The following CDH19 variants were observed in gnomAD, a reference collection of about 807,000 sequenced individuals.
The protein encoded by CDH19 is cadherin-19.
CDH19 carries 67 observed loss-of-function variants against 64.2 expected under a neutral mutation model. The observed-to-expected ratio is 1.04, with a 90% confidence interval of 0.86 to 1.28. CDH19 has a LOEUF of 1.28. Among genes scored for constraint, CDH19 ranks in the 50% most tolerant of loss-of-function variants. The pLI is 0.00. For missense variants in CDH19, 1,030 were observed against 929.0 expected (o/e 1.11, Z -1.41); for synonymous variants, 346 against 319.3 (o/e 1.08, Z -0.89).
intron 1 of CDH19, among the ~76,000 whole-genome samples, chr18:66,588,614 C>CTATCTATATATATA (rs1555692697): frequency 3.5e-5 from 4 of 113,664 alleles, no homozygotes; most frequent in African/African-American, 1.1e-4. Context: ...TCATATATAT[C>CTATCTATATATATA]TATATCTATA....
In CDH19 at chr18:66,509,129, G is replaced by T. The variant is rs1302853766; in HGVS notation, c.1694C>A (p.Thr565Asn). Residue 565 changes from threonine to asparagine, a missense_variant, in exon 11 of 12, where the codon ACC becomes AAC. Transcript: ENST00000262150. Reference protein sequence around the residue: ...NGIPSLTSTNTLTIHVCDCGD... With the variant: ...NGIPSLTSTNNLTIHVCDCGD... ...ACAGTCACAGACATGGATGGTAAGG[G>T]TGTTTGTACTTGTAAGTGACGGGAT... The T allele has an allele frequency of 6.2e-7, 1 of 1,612,992 alleles. No homozygotes were observed. The highest frequency in any genetic ancestry group is 1.3e-5 in the African/African-American group (1 of 74,940).
At chr18:66,581,003 C>T (rs1013420657) in intron 1 of CDH19, among the ~76,000 whole-genome samples, 2 of 152,066 alleles carry the variant, frequency 1.3e-5, no homozygotes, top group African/African-American at 2.4e-5. Flanking sequence ...AAAATGCTCT[C>T]GCCTGAAATG....
At chr18:66,540,024 G>A (rs1986827058) in intron 7 of CDH19, among the ~76,000 whole-genome samples, 1 of 152,024 alleles carries the variant, frequency 6.6e-6, no homozygotes, top group Admixed American at 6.6e-5. Context: ...ATGTCTGTGG[G>A]ATCAATATGT....
rs1555682440 is a variant in CDH19 at position 66,504,291 on chromosome 18, C to CAT, written c.*520_*521insAT. On this transcript the variant is annotated 3_prime_UTR_variant, in exon 12 of 12. Transcript: ENST00000262150. ...TTTTCTACGAAGATTACCTAGCATTCTTTTTTTTTTTTTTTTTTTTTAAAT... is the reference window on the plus strand; with the variant it reads ...TTTTCTACGAAGATTACCTAGCATTCATTTTTTTTTTTTTTTTTTTTTTAAAT... The CAT allele has an allele frequency of 1.8e-5, 2 of 112,970 alleles. No individual in the cohort carries two copies. Among genetic ancestry groups the CAT allele is most frequent in the Non-Finnish European group, 3.5e-5 (2 of 56,926 alleles). The allele number at this position is 112,970 out of a possible 1,614,324, so 7.0% of individuals were successfully genotyped here.
intron 8 of CDH19, among the ~76,000 whole-genome samples, chr18:66,533,798 A>G (rs1259592888): frequency 6.6e-6 from 1 of 152,036 alleles, no homozygotes; most frequent in African/African-American, 2.4e-5. Context: ...AAAGCTTTTC[A>G]AGGTAGTTAG....
At chr18:66,562,789 T>C (rs1246028029) in intron 3 of CDH19, among the ~76,000 whole-genome samples, 1 of 152,130 alleles carries the variant, frequency 6.6e-6, no homozygotes, top group African/African-American at 2.4e-5. Flanking sequence ...TTGTAATGTT[T>C]AAAGGTGCTA....
At chr18:66,556,944 G>C (rs1181220348) in intron 3 of CDH19, among the ~76,000 whole-genome samples, 1 of 151,810 alleles carries the variant, frequency 6.6e-6, no homozygotes, top group East Asian at 1.9e-4. Context: ...TAGAGAAAAG[G>C]GAACACGTGC....
At chr18:66,558,413 C>T (rs899868383) in intron 3 of CDH19, among the ~76,000 whole-genome samples, 3 of 151,550 alleles carry the variant, frequency 2.0e-5, no homozygotes, top group Admixed American at 6.6e-5. Flanking sequence ...TTATAAAACA[C>T]AGTTTAAGCA....
rs560933730 is a variant in CDH19, at chr18:66,515,694, C to T, written c.1459-4009G>A. On this transcript the variant is annotated intron_variant, in intron 9 of 11. Transcript: ENST00000262150. ...ATATTCAGTTGAAAAATACACATTC[C>T]TAGATTTTTATCTCAATACGTATTT... Among the ~76,000 whole-genome samples the T allele has an allele frequency of 1.5e-4, 23 of 151,786 alleles. 1 individual carries two copies. In the South Asian group the frequency reaches 4.6e-3, roughly 30 times the overall value.
chr18:66,592,155 A>T (rs983542290), intron 1 of CDH19, among the ~76,000 whole-genome samples: 15 of 152,014 alleles, frequency 9.9e-5, no homozygotes, highest in African/African-American at 3.6e-4. Flanking sequence ...GATTAATTCT[A>T]TGTCTTAAAT....
intron 1 of CDH19, among the ~76,000 whole-genome samples, chr18:66,588,277 G>C (rs1988635341): frequency 6.6e-6 from 1 of 152,080 alleles, no homozygotes; most frequent in African/African-American, 2.4e-5. Context: ...CTGGGTTTCT[G>C]GGATAGGCTC....
chr18:66,552,136 T>C (rs1040011838), intron 4 of CDH19, among the ~76,000 whole-genome samples: 2 of 152,060 alleles, frequency 1.3e-5, no homozygotes, highest in East Asian at 3.9e-4. Context: ...TGTGACGGGA[T>C]CATTAGTACC....
At chr18:66,549,020 A>T (rs577701504) in intron 5 of CDH19, among the ~76,000 whole-genome samples, 1 of 152,228 alleles carries the variant, frequency 6.6e-6, no homozygotes, top group South Asian at 2.1e-4. Flanking sequence ...ATAGGTATTG[A>T]GTATTTACAT....
At chr18:66,594,359 G>A (rs1988824238) in intron 1 of CDH19, among the ~76,000 whole-genome samples, 1 of 152,032 alleles carries the variant, frequency 6.6e-6, no homozygotes, top group Non-Finnish European at 1.5e-5. Context: ...ACACTAATGA[G>A]TTAGAAAACT....
intron 1 of CDH19, among the ~76,000 whole-genome samples, chr18:66,586,041 T>C (rs1217455423): frequency 6.6e-6 from 1 of 152,148 alleles, no homozygotes; most frequent in Non-Finnish European, 1.5e-5. Flanking sequence ...CTATGACCTC[T>C]TCTTGGTTAC....
At chr18:66,585,853 T>C (rs1285514136) in intron 1 of CDH19, among the ~76,000 whole-genome samples, 1 of 152,108 alleles carries the variant, frequency 6.6e-6, no homozygotes, top group Non-Finnish European at 1.5e-5. Flanking sequence ...AGATACATAT[T>C]ATCATGCTTG....
chr18:66,591,159 C>T (rs904336040), intron 1 of CDH19, among the ~76,000 whole-genome samples: 5 of 151,852 alleles, frequency 3.3e-5, no homozygotes, highest in Admixed American at 6.6e-5. Context: ...TAAATGTAAC[C>T]TCTAGATCTT....
At chr18:66,532,577 C>G (rs1445812536) in intron 8 of CDH19, 2 of 317,204 alleles carry the variant, frequency 6.3e-6, no homozygotes, top group Non-Finnish European at 1.2e-5. Context: ...TTTTCTTTGT[C>G]CCTTTGAAGC....
chr18:66,568,084 T>C (rs528401742), intron 3 of CDH19, among the ~76,000 whole-genome samples: 3 of 151,986 alleles, frequency 2.0e-5, no homozygotes, highest in African/African-American at 7.2e-5. Context: ...TTTTATGAGA[T>C]ACAAAAATAT....
Sources: allele counts gnomAD v4.1 joint callset (sites outside exome capture counted in the v4.1 genomes callset), GRCh38; gene constraint gnomAD v4.1.1; transcripts MANE v1.5; gene names NCBI Gene and HGNC (gene_info 2026-07-23, HGNC 2026-07-21).